Variants in KALRN observed in about 807,000 individuals in gnomAD.
KALRN encodes kalirin.
A neutral mutation model predicts 353.7 loss-of-function variants in KALRN; 70 were observed. That is an observed-to-expected ratio of 0.20 (90% CI 0.16 to 0.24). The LOEUF (loss-of-function observed/expected upper bound fraction) is 0.24. Among genes scored for constraint, KALRN ranks in the 10% least tolerant of loss-of-function variants. The probability of loss-of-function intolerance (pLI) is 1.00; values close to 1 mark genes in which losing one functional copy is unlikely to be tolerated. For synonymous variants in KALRN, 1,391 were observed against 1,434.8 expected, an observed-to-expected ratio of 0.97 and a Z score of 0.69; for missense variants, 2,791 against 3,756.7, an observed-to-expected ratio of 0.74 and a Z score of 6.72.
intron 27 of KALRN, among the ~76,000 whole-genome samples, chr3:124,482,493 T>C (rs2062088122): frequency 6.6e-6 from 1 of 151,180 alleles, no homozygotes; most frequent in Non-Finnish European, 1.5e-5. Context: ...TACCCTCCGC[T>C]CTGTTATTTA....
intron 1 of KALRN, among the ~76,000 whole-genome samples, chr3:124,045,154 A>T (rs867593803): frequency 6.6e-6 from 1 of 152,034 alleles, no homozygotes; most frequent in African/African-American, 2.4e-5. Context: ...AGACTGGCAG[A>T]TGGTTAATTG....
At chr3:124,367,600 C>T (rs1463853180) in intron 10 of KALRN, among the ~76,000 whole-genome samples, 1 of 40,248 alleles carries the variant, frequency 2.5e-5, no homozygotes, top group Non-Finnish European at 5.0e-5. Flanking sequence ...GCAGAGGCGC[C>T]CCTCACCTCC....
At chr3:124,657,366 G>A (rs2084194837) in intron 39 of KALRN, 82 bp from the exon 40 acceptor site, 2 of 894,774 alleles carry the variant, frequency 2.2e-6, no homozygotes, top group Non-Finnish European at 3.7e-6. Flanking sequence ...GTGTGGGCTT[G>A]CAGGGGTGCT....
At chr3:124,289,448 C>T (rs1223416360) in intron 5 of KALRN, among the ~76,000 whole-genome samples, 3 of 151,834 alleles carry the variant, frequency 2.0e-5, no homozygotes, top group South Asian at 2.1e-4. Flanking sequence ...GAATGTGTGA[C>T]CATGACCAAG....
At chr3:124,099,585 G>A (rs923072461) in intron 1 of KALRN, among the ~76,000 whole-genome samples, 2 of 152,158 alleles carry the variant, frequency 1.3e-5, no homozygotes, top group African/African-American at 4.8e-5. Flanking sequence ...CCAGTAGTGG[G>A]ATTGCTGGAT....
chr3:124,409,840 A>G (rs1168936248), intron 13 of KALRN, among the ~76,000 whole-genome samples: 3 of 152,194 alleles, frequency 2.0e-5, no homozygotes, highest in East Asian at 1.9e-4. Flanking sequence ...AAATTCCAGT[A>G]TACATTAAAC....
At chr3:124,092,147 C>A (rs1236303979) in intron 1 of KALRN, among the ~76,000 whole-genome samples, 1 of 152,180 alleles carries the variant, frequency 6.6e-6, no homozygotes, top group Non-Finnish European at 1.5e-5. Context: ...CCATATTATT[C>A]TTGACAGTCT....
At chr3:124,345,003 T>C (rs1401981650) in intron 9 of KALRN, among the ~76,000 whole-genome samples, 4 of 152,180 alleles carry the variant, frequency 2.6e-5, no homozygotes, top group African/African-American at 9.7e-5. Context: ...TCAACCAATT[T>C]GCTTCAGAAT....
At chr3:124,401,461 C>T (rs1439020764) in intron 13 of KALRN, among the ~76,000 whole-genome samples, 1 of 152,182 alleles carries the variant, frequency 6.6e-6, no homozygotes, top group Non-Finnish European at 1.5e-5. Flanking sequence ...GCTGTGATCA[C>T]ACCACTGCAC....
intron 1 of KALRN, chr3:124,082,344 T>C: frequency 2.1e-6 from 1 of 470,428 alleles, no homozygotes; most frequent in Non-Finnish European, 4.4e-6. Flanking sequence ...TAAGTAGAAA[T>C]TCTGTTTCCT....
intron 17 of KALRN, among the ~76,000 whole-genome samples, chr3:124,438,241 A>G (rs937983044): frequency 4.4e-4 from 67 of 152,332 alleles, no homozygotes; most frequent in African/African-American, 1.6e-3. Flanking sequence ...GTCACTTAGC[A>G]TGACCTCTCA....
rs928133404 is a variant in KALRN at position 124,437,324 on chromosome 3, C to T, written c.3049-1564C>T. Among the ~76,000 whole-genome samples, 5 of 152,312 alleles carry T rather than the reference C, an allele frequency of 3.3e-5. No homozygotes were observed. The South Asian group carries it at 1.0e-3, about 32-fold the overall frequency. ...TGAGAAGCATGTCTGGCTATGAGAGCGTTCTTCCTGGGACAGCTTTCAGCA... is the reference window on the plus strand; with the variant it reads ...TGAGAAGCATGTCTGGCTATGAGAGTGTTCTTCCTGGGACAGCTTTCAGCA... On this transcript the variant is annotated intron_variant, in intron 17 of 59. Transcript: ENST00000682506.
chr3:124,515,724 A>G (rs2066466318), intron 33 of KALRN, among the ~76,000 whole-genome samples: 1 of 152,244 alleles, frequency 6.6e-6, no homozygotes, highest in Non-Finnish European at 1.5e-5. Flanking sequence ...AAAAAAATTT[A>G]ATGGTCTCTT....
In KALRN at chr3:124,492,732, C is replaced by G. The variant is rs1486489236; in HGVS notation, c.4690-8C>G. On this transcript the variant is annotated splice_polypyrimidine_tract_variant and splice_region_variant and intron_variant, in intron 31 of 59. Coordinates refer to ENST00000682506, the MANE Select transcript of KALRN (RefSeq NM_001388419.1). ...GGGTTCTCAGTCTTTCTCCCTGTGG[C>G]ACTCTAGGCCTCCAACATTGAAACC... 1.2e-6 allele frequency: 2 copies of G among 1,613,294 alleles called. No individual in the cohort carries two copies. Among genetic ancestry groups the G allele is most frequent in the East Asian group, 4.5e-5 (2 of 44,872 alleles).
At chr3:124,439,933 G>A (rs1042743365) in intron 18 of KALRN, among the ~76,000 whole-genome samples, 1 of 152,180 alleles carries the variant, frequency 6.6e-6, no homozygotes, top group Non-Finnish European at 1.5e-5. Context: ...GGGAATAGAA[G>A]AGACAATTTT....
rs145109375 is a variant in KALRN, at chr3:124,193,639, T to C, written c.74-34351T>C. On this transcript the variant is annotated intron_variant, in intron 1 of 59. Transcript: ENST00000682506. ...TGGAATTTCTTTAAACTACAACTTA[T>C]GGCATTTCCAAAAGAAAGACACAAA... 5.3e-5 allele frequency among the ~76,000 whole-genome samples: 8 copies of C among 152,218 alleles called. No individual in the cohort carries two copies. In the East Asian group the frequency reaches 1.5e-3, roughly 29 times the overall value.
intron 3 of KALRN, among the ~76,000 whole-genome samples, chr3:124,260,490 A>G (rs2072688505): frequency 6.6e-6 from 1 of 151,974 alleles, no homozygotes; most frequent in African/African-American, 2.4e-5. Context: ...GCCCTTTGCC[A>G]CCCCTCAGGC....
intron 10 of KALRN, among the ~76,000 whole-genome samples, chr3:124,372,155 A>G (rs1482571287): frequency 6.6e-6 from 1 of 152,182 alleles, no homozygotes; most frequent in African/African-American, 2.4e-5. Flanking sequence ...ATACTACTCT[A>G]TTGTACATAT....
chr3:124,693,624 T>C (rs2289429), intron 51 of KALRN, among the ~76,000 whole-genome samples, 180 bp from the exon 52 acceptor site: 12,456 of 152,146 alleles, frequency 0.082, 865 homozygotes, highest in East Asian at 0.32. Flanking sequence ...CAAGTGCCAA[T>C]TGTTGCTAAA....
Sources: gnomAD v4.1 joint callset for allele counts (sites outside exome capture counted in the v4.1 genomes callset) on GRCh38, gnomAD v4.1.1 for gene constraint, MANE v1.5 for transcripts, NCBI Gene and HGNC (gene_info 2026-07-23, HGNC 2026-07-21) for gene names.